PPM1D: variants seen among roughly 807,000 people sequenced by gnomAD.
PPM1D encodes the protein protein phosphatase 1D.
Under a neutral mutation model 58.3 loss-of-function variants are expected in PPM1D, and 52 were observed. That is an observed-to-expected ratio of 0.89 (90% CI 0.71 to 1.12). PPM1D has a LOEUF of 1.12. PPM1D is among the 50% of genes most tolerant of loss of function. The pLI, the probability that PPM1D is intolerant of heterozygous loss-of-function variation, is 0.00. For synonymous variants in PPM1D, 278 were observed against 285.1 expected, an observed-to-expected ratio of 0.98 and a Z score of 0.25; for missense variants, 564 against 777.2, an observed-to-expected ratio of 0.73 and a Z score of 3.26.
chr17:60,649,097 T>A (rs1009465828), intron 4 of PPM1D, among the ~76,000 whole-genome samples: 1 of 151,836 alleles, frequency 6.6e-6, no homozygotes, highest in Non-Finnish European at 1.5e-5. Context: ...TTGTTTTTTT[T>A]TCCCCCCAAG....
intron 3 of PPM1D, among the ~76,000 whole-genome samples, chr17:60,646,084 G>A (rs912836126): frequency 2.0e-4 from 30 of 152,134 alleles, no homozygotes; most frequent in African/African-American, 6.5e-4. Context: ...ATCCTGCAGT[G>A]AGCCATGATT....
intron 1 of PPM1D, among the ~76,000 whole-genome samples, chr17:60,620,744 A>G (rs904131630): frequency 2.6e-5 from 4 of 151,670 alleles, no homozygotes; most frequent in African/African-American, 7.3e-5. Flanking sequence ...TCCTGACCTC[A>G]TGGTCCACCC....
At chr17:60,631,814 C>T (rs1045334166) in intron 2 of PPM1D, among the ~76,000 whole-genome samples, 13 of 152,156 alleles carry the variant, frequency 8.5e-5, no homozygotes, top group African/African-American at 2.7e-4. Context: ...AAGCTCATTT[C>T]GGTCATGCCA....
At position 60,629,390 on chromosome 17, in the gene PPM1D, A is replaced by T. The variant is rs1356014265; in HGVS notation, c.702-4463A>T. On this transcript the variant is annotated intron_variant, in intron 2 of 5. Coordinates refer to ENST00000305921, the MANE Select transcript of PPM1D (RefSeq NM_003620.4). ...GAGCCATCACTTGGGAGATGGAAAAATGGCTTCTGGCTGTCTGAATCACTG... is the reference window on the plus strand; with the variant it reads ...GAGCCATCACTTGGGAGATGGAAAATTGGCTTCTGGCTGTCTGAATCACTG... Among the ~76,000 whole-genome samples the T allele has an allele frequency of 3.3e-5, 5 of 152,200 alleles. No individual in the cohort carries two copies. In the South Asian group the frequency reaches 1.0e-3, roughly 32 times the overall value.
chr17:60,644,198 T>G (rs1362698324), intron 3 of PPM1D, among the ~76,000 whole-genome samples: 3 of 151,812 alleles, frequency 2.0e-5, no homozygotes, highest in Non-Finnish European at 4.4e-5. Flanking sequence ...TCTTGAACTC[T>G]TCACAGTTGT....
At chr17:60,606,999 A>ATT (rs996101204) in intron 1 of PPM1D, among the ~76,000 whole-genome samples, 1 of 143,042 alleles carries the variant, frequency 7.0e-6, no homozygotes, top group Non-Finnish European at 1.5e-5. Flanking sequence ...TTTTTTTTTA[A>ATT]TTTTTTTTTT....
intron 3 of PPM1D, among the ~76,000 whole-genome samples, chr17:60,636,953 T>C (rs562432480): frequency 1.2e-4 from 18 of 149,568 alleles, no homozygotes; most frequent in African/African-American, 4.4e-4. Flanking sequence ...GCGACAGCGC[T>C]CAGCCTACTC....
intron 1 of PPM1D, among the ~76,000 whole-genome samples, chr17:60,613,523 A>G (rs1175209981): frequency 6.6e-6 from 1 of 152,186 alleles, no homozygotes; most frequent in Non-Finnish European, 1.5e-5. Flanking sequence ...GCGCTTGAGG[A>G]GCCCTTCAGC....
intron 1 of PPM1D, among the ~76,000 whole-genome samples, chr17:60,614,310 A>G (rs1369367004): frequency 6.6e-6 from 1 of 152,060 alleles, no homozygotes; most frequent in Non-Finnish European, 1.5e-5. Flanking sequence ...AGGTATTGTA[A>G]ATATACCAGT....
At chr17:60,614,070 CG>C (rs1567965687) in intron 1 of PPM1D, among the ~76,000 whole-genome samples, 1 of 149,796 alleles carries the variant, frequency 6.7e-6, no homozygotes, top group East Asian at 2.0e-4. Context: ...GGCCCCGGTG[CG>C]GGATCCACTG....
At chr17:60,639,468 C>T (rs2031091981) in intron 3 of PPM1D, among the ~76,000 whole-genome samples, 1 of 146,352 alleles carries the variant, frequency 6.8e-6, no homozygotes, top group Admixed American at 6.8e-5. Context: ...GATGGAGTCT[C>T]ACTCTGTCGC....
At chr17:60,643,743 A>C (rs1192479465) in intron 3 of PPM1D, among the ~76,000 whole-genome samples, 1 of 152,184 alleles carries the variant, frequency 6.6e-6, no homozygotes, top group African/African-American at 2.4e-5. Flanking sequence ...TATACGGAGA[A>C]GGACATGACA....
chr17:60,660,759 TC>T (rs1400337927), intron 5 of PPM1D, among the ~76,000 whole-genome samples: 1 of 151,606 alleles, frequency 6.6e-6, no homozygotes, highest in African/African-American at 2.4e-5. Context: ...AGACTCGGCC[TC>T]AAAAAAAGAA....
chr17:60,647,751 T>C (rs1398770107), intron 3 of PPM1D, 141 bp from the exon 4 acceptor site: 5 of 758,164 alleles, frequency 6.6e-6, no homozygotes, highest in African/African-American at 1.8e-5. Flanking sequence ...GGAAATCTTA[T>C]CATGAGAGGA....
At chr17:60,643,341 A>G (rs1438847471) in intron 3 of PPM1D, among the ~76,000 whole-genome samples, 1 of 152,184 alleles carries the variant, frequency 6.6e-6, no homozygotes, top group Non-Finnish European at 1.5e-5. Flanking sequence ...TGATCGCACC[A>G]ATGCACTCCA....
intron 3 of PPM1D, among the ~76,000 whole-genome samples, chr17:60,643,617 A>G (rs1457192234): frequency 6.6e-6 from 1 of 152,144 alleles, no homozygotes; most frequent in Non-Finnish European, 1.5e-5. Context: ...ACTACTCACC[A>G]GTTAAAAAAA....
chr17:60,602,310 C>CTATT (rs2030231960), intron 1 of PPM1D, among the ~76,000 whole-genome samples: 1 of 152,134 alleles, frequency 6.6e-6, no homozygotes, highest in Non-Finnish European at 1.5e-5. Flanking sequence ...AGGCACAGAA[C>CTATT]TATTTAGAGT....
chr17:60,655,347 CTTGTTGTTG>C (rs373634562), intron 4 of PPM1D, among the ~76,000 whole-genome samples: 1 of 151,990 alleles, frequency 6.6e-6, no homozygotes, highest in African/African-American at 2.4e-5. Context: ...ATGTTTACTT[CTTGTTGTTG>C]TTGTTGTTTT....
intron 3 of PPM1D, among the ~76,000 whole-genome samples, chr17:60,640,523 T>A (rs1455099537): frequency 6.6e-6 from 1 of 151,944 alleles, no homozygotes; most frequent in Non-Finnish European, 1.5e-5. Context: ...ATTTGTGGGC[T>A]TTTGTTTGTT....
Sources: gnomAD v4.1 joint callset for allele counts (sites outside exome capture counted in the v4.1 genomes callset) on GRCh38, gnomAD v4.1.1 for gene constraint, MANE v1.5 for transcripts, NCBI Gene and HGNC (gene_info 2026-07-23, HGNC 2026-07-21) for gene names.